Variants in SLC24A2 observed in about 807,000 individuals in gnomAD.
The protein encoded by SLC24A2 is sodium/potassium/calcium exchanger 2.
In SLC24A2, 36 loss-of-function variants were observed where a neutral mutation model predicts 62.0. The observed-to-expected ratio is 0.58, with a 90% CI of 0.44 to 0.77. The LOEUF (loss-of-function observed/expected upper bound fraction) is 0.77, where lower values mean the gene tolerates loss of function less well. Among genes scored for constraint, SLC24A2 ranks in the 30% least tolerant of loss-of-function variants. The probability of loss-of-function intolerance (pLI) is 0.00; values close to 1 mark genes in which losing one functional copy is unlikely to be tolerated. For synonymous variants in SLC24A2, 358 were observed against 294.0 expected, an observed-to-expected ratio of 1.22 and a Z score of -2.23; for missense variants, 846 against 817.9, an observed-to-expected ratio of 1.03 and a Z score of -0.42.
chr9:19,600,583 G>T (rs549270825), intron 4 of SLC24A2, among the ~76,000 whole-genome samples: 1 of 152,298 alleles, frequency 6.6e-6, no homozygotes, highest in Non-Finnish European at 1.5e-5. Context: ...GGTCATTACT[G>T]TGGATCATGC....
At chr9:19,564,127 T>A (rs926223989) in intron 7 of SLC24A2, among the ~76,000 whole-genome samples, 3 of 152,012 alleles carry the variant, frequency 2.0e-5, no homozygotes, top group African/African-American at 7.2e-5. Context: ...AAACTGGGAT[T>A]GATTACAGGT....
At chr9:19,745,179 C>T in intron 2 of SLC24A2, among the ~76,000 whole-genome samples, 1 of 152,122 alleles carries the variant, frequency 6.6e-6, no homozygotes, top group East Asian at 1.9e-4. Flanking sequence ...TCTGATGCAC[C>T]TGCTCCCTTA....
At chr9:20,205,518 G>T in the SLC24A2 span, among the ~76,000 whole-genome samples, 2 of 151,800 alleles carry the variant, frequency 1.3e-5, no homozygotes, top group African/African-American at 4.8e-5. Context: ...AGTCGTGGTG[G>T]CAGGCTCCTG....
rs181375373 is a variant in SLC24A2 at position 19,591,130 on chromosome 9, A to G, written c.1129+6099T>C. Among the ~76,000 whole-genome samples the G allele has an allele frequency of 3.6e-4, 55 of 152,166 alleles. 1 individual carries two copies. The highest frequency in any genetic ancestry group is 3.3e-3 in the Admixed American group (50 of 15,284). On this transcript the variant is annotated intron_variant, in intron 5 of 10. Transcript: ENST00000341998. ...ATCAATTAGCTAGGTATTATAGTCCAGTTCTGTAGCTTTTAAATAACACGC... is the reference window on the plus strand; with the variant it reads ...ATCAATTAGCTAGGTATTATAGTCCGGTTCTGTAGCTTTTAAATAACACGC...
chr9:20,283,999 G>A, the SLC24A2 span, among the ~76,000 whole-genome samples: 5 of 152,074 alleles, frequency 3.3e-5, no homozygotes, highest in Admixed American at 6.5e-5. Context: ...TTTTCCCTGG[G>A]TTCTACATTC....
intron 8 of SLC24A2, among the ~76,000 whole-genome samples, chr9:19,545,896 C>T (rs1207785889): frequency 6.6e-6 from 1 of 152,188 alleles, no homozygotes; most frequent in African/African-American, 2.4e-5. Flanking sequence ...CTCGGCCTCC[C>T]AGAGTGCTGG....
At chr9:19,833,981 G>T in the SLC24A2 span, among the ~76,000 whole-genome samples, 1 of 152,164 alleles carries the variant, frequency 6.6e-6, no homozygotes, top group Non-Finnish European at 1.5e-5. Context: ...GGAGTGGACT[G>T]CCAGTAAACT....
intron 7 of SLC24A2, among the ~76,000 whole-genome samples, chr9:19,556,258 G>A (rs960000182): frequency 6.6e-6 from 1 of 151,610 alleles, no homozygotes; most frequent in Non-Finnish European, 1.5e-5. Context: ...ATTTGAATTT[G>A]GTATAGAAGT....
intron 8 of SLC24A2, among the ~76,000 whole-genome samples, chr9:19,529,680 C>G (rs1833605521): frequency 1.3e-5 from 2 of 151,304 alleles, no homozygotes; most frequent in Non-Finnish European, 2.9e-5. Context: ...TCCTAGGGAC[C>G]TAAGCGCTTT....
intron 2 of SLC24A2, among the ~76,000 whole-genome samples, chr9:19,623,163 G>A (rs1017174502): frequency 5.9e-5 from 9 of 152,230 alleles, no homozygotes; most frequent in South Asian, 4.2e-4. Flanking sequence ...CGCCAGAACC[G>A]GGGACCACCC....
chr9:20,172,378 CA>C, the SLC24A2 span, among the ~76,000 whole-genome samples: 4 of 151,660 alleles, frequency 2.6e-5, no homozygotes, highest in Non-Finnish European at 5.9e-5. Flanking sequence ...TTGAAACAAA[CA>C]AAAACAATAC....
the SLC24A2 span, among the ~76,000 whole-genome samples, chr9:19,930,834 A>G: frequency 6.6e-6 from 1 of 152,200 alleles, no homozygotes; most frequent in Non-Finnish European, 1.5e-5. Context: ...CTAGAGAGTG[A>G]TCAAGCTGGG....
At chr9:20,248,873 G>A in the SLC24A2 span, among the ~76,000 whole-genome samples, 2 of 152,158 alleles carry the variant, frequency 1.3e-5, no homozygotes, top group Non-Finnish European at 2.9e-5. Flanking sequence ...GACAATAAGA[G>A]AGTCTCTAAA....
the SLC24A2 span, among the ~76,000 whole-genome samples, chr9:20,169,786 C>CA: frequency 4.6e-5 from 7 of 151,868 alleles, no homozygotes; most frequent in South Asian, 2.1e-4. Context: ...GACACCCCCC[C>CA]AAAAAATCAC....
chr9:20,107,951 C>T, the SLC24A2 span, among the ~76,000 whole-genome samples: 2 of 152,080 alleles, frequency 1.3e-5, no homozygotes, highest in Non-Finnish European at 2.9e-5. Flanking sequence ...ACTCATCTGA[C>T]AAAGTTCACT....
At chr9:19,611,963 C>T (rs972960223) in intron 4 of SLC24A2, among the ~76,000 whole-genome samples, 3 of 152,160 alleles carry the variant, frequency 2.0e-5, no homozygotes, top group Non-Finnish European at 2.9e-5. Flanking sequence ...AGCAGCAGGG[C>T]TGGCTCTGAC....
intron 2 of SLC24A2, among the ~76,000 whole-genome samples, chr9:19,625,789 C>T (rs951707791): frequency 6.6e-6 from 1 of 151,328 alleles, no homozygotes; most frequent in African/African-American, 2.4e-5. Context: ...CAGGTTCAAG[C>T]AATTCTCCTG....
chr9:19,875,753 T>C, the SLC24A2 span, among the ~76,000 whole-genome samples: 1 of 152,206 alleles, frequency 6.6e-6, no homozygotes, highest in Non-Finnish European at 1.5e-5. Flanking sequence ...AAAGGAATGA[T>C]GAACAGCTGC....
At chr9:20,040,648 C>T in the SLC24A2 span, among the ~76,000 whole-genome samples, 1 of 152,208 alleles carries the variant, frequency 6.6e-6, no homozygotes, top group Non-Finnish European at 1.5e-5. Flanking sequence ...CATAGAAATA[C>T]ATGAATTAAG....
Sources: gnomAD v4.1 joint callset for allele counts (sites outside exome capture counted in the v4.1 genomes callset) on GRCh38, gnomAD v4.1.1 for gene constraint, MANE v1.5 for transcripts, NCBI Gene and HGNC (gene_info 2026-07-23, HGNC 2026-07-21) for gene names.